Variants in GTF2IRD1 observed in about 807,000 individuals in gnomAD.
GTF2IRD1 encodes the protein GTF2I repeat domain containing 1, also known as general transcription factor II-I repeat domain-containing protein 1.
GTF2IRD1 carries 26 observed loss-of-function variants against 113.2 expected under a neutral mutation model. That is an observed-to-expected ratio of 0.23 (90% CI 0.17 to 0.32). The LOEUF (loss-of-function observed/expected upper bound fraction) is 0.32, where lower values mean the gene tolerates loss of function less well. Among genes scored for constraint, GTF2IRD1 ranks in the 10% least tolerant of loss-of-function variants. The pLI, the probability that GTF2IRD1 is intolerant of heterozygous loss-of-function variation, is 1.00. For synonymous variants in GTF2IRD1, 484 were observed against 529.1 expected (o/e 0.91, Z 1.17); for missense variants, 864 against 1,280.8 (o/e 0.67, Z 4.97).
intron 22 of GTF2IRD1, among the ~76,000 whole-genome samples, chr7:74,586,111 C>T (rs141371567): frequency 6.6e-6 from 1 of 152,262 alleles, no homozygotes; most frequent in African/African-American, 2.4e-5. Context: ...TGATCCAGGC[C>T]ATCCTTTCTC....
intron 22 of GTF2IRD1, among the ~76,000 whole-genome samples, chr7:74,561,666 A>C (rs1476257882): frequency 1.3e-5 from 2 of 151,840 alleles, no homozygotes; most frequent in African/African-American, 4.8e-5. Flanking sequence ...CAGTGCAGTG[A>C]GTGTGGCTCC....
At chr7:74,494,268 T>C (rs1415447608) in intron 1 of GTF2IRD1, among the ~76,000 whole-genome samples, 2 of 151,982 alleles carry the variant, frequency 1.3e-5, no homozygotes, top group Non-Finnish European at 2.9e-5. Flanking sequence ...ATCCCGTTTC[T>C]AAATAAAAAG....
intron 1 of GTF2IRD1, among the ~76,000 whole-genome samples, chr7:74,471,416 G>A (rs1794073800): frequency 6.6e-6 from 1 of 152,032 alleles, no homozygotes; most frequent in African/African-American, 2.4e-5. Flanking sequence ...GGCTGAGCCG[G>A]GAGAATTGCT....
intron 1 of GTF2IRD1, among the ~76,000 whole-genome samples, chr7:74,483,203 A>G (rs564089971): frequency 3.3e-5 from 5 of 152,120 alleles, no homozygotes; most frequent in African/African-American, 1.2e-4. Flanking sequence ...TATACTTCTC[A>G]GTGCTAAGAG....
At chr7:74,489,106 C>T (rs1338548615) in intron 1 of GTF2IRD1, among the ~76,000 whole-genome samples, 2 of 151,690 alleles carry the variant, frequency 1.3e-5, no homozygotes, top group Non-Finnish European at 2.9e-5. Flanking sequence ...CGTGCCACTG[C>T]ACTCCAGCCT....
intron 24 of GTF2IRD1, among the ~76,000 whole-genome samples, chr7:74,593,560 C>G (rs782383396): frequency 4.6e-5 from 7 of 151,264 alleles, no homozygotes; most frequent in Non-Finnish European, 7.4e-5. Context: ...GGTGAAACCC[C>G]GTCTCCACTA....
intron 1 of GTF2IRD1, among the ~76,000 whole-genome samples, chr7:74,483,214 G>A (rs1233207486): frequency 2.6e-5 from 4 of 152,016 alleles, no homozygotes; most frequent in African/African-American, 9.7e-5. Context: ...GTGCTAAGAG[G>A]TTGTTTTCCA....
chr7:74,508,306 C>G, intron 2 of GTF2IRD1, 103 bp downstream of exon 2: 1 of 1,281,782 alleles, frequency 7.8e-7, no homozygotes, highest in Non-Finnish European at 1.1e-6. Context: ...TTTCACTGAC[C>G]TGAACCTCAG....
At chr7:74,540,071 C>T (rs587737086) in intron 14 of GTF2IRD1, 103 bp downstream of exon 14, 29 of 794,288 alleles carry the variant, frequency 3.7e-5, no homozygotes, top group East Asian at 7.5e-5. Flanking sequence ...TGGTGTCAGC[C>T]GTCTGTAGTA....
intron 22 of GTF2IRD1, among the ~76,000 whole-genome samples, chr7:74,567,721 C>A (rs1562876959): frequency 6.6e-6 from 1 of 152,064 alleles, no homozygotes; most frequent in Non-Finnish European, 1.5e-5. Context: ...AAAAGGATCA[C>A]CTTTTAGAGG....
chr7:74,578,120 T>A (rs1554365057), intron 22 of GTF2IRD1, among the ~76,000 whole-genome samples: 2 of 152,168 alleles, frequency 1.3e-5, no homozygotes, highest in African/African-American at 4.8e-5. Flanking sequence ...GTTAATTTTT[T>A]AAAAATTATT....
At position 74,590,951 on chromosome 7, in the gene GTF2IRD1, T is replaced by G. The variant is rs1802020419; in HGVS notation, c.2525T>G (p.Ile842Ser). Residue 842 changes from isoleucine (I) to serine (S), a missense_variant, in exon 24 of 27, where the codon ATC becomes AGC. By Grantham distance (142) the Ile-to-Ser change is moderately radical (BLOSUM62 -2). This residue lies in a region of GTF2IRD1 where 195 missense variants were observed against 359.1 expected (regional missense o/e 0.54). Transcript: ENST00000424337. ...IPFRNPNTYDIHRLEKILKAR... is the reference protein window; with the variant it reads ...IPFRNPNTYDSHRLEKILKAR... ...TTCCGGAACCCCAACACGTACGACA[T>G]CCACCGGCTGGAGAAGATCCTGAAG... 1 of 1,613,230 alleles carries G rather than the reference T, an allele frequency of 6.2e-7. No individual in the cohort carries two copies. Among genetic ancestry groups the G allele is most frequent in the Non-Finnish European group, 8.5e-7 (1 of 1,179,796 alleles).
intron 12 of GTF2IRD1, among the ~76,000 whole-genome samples, chr7:74,538,431 G>T (rs1798429601): frequency 6.6e-6 from 1 of 152,214 alleles, no homozygotes; most frequent in South Asian, 2.1e-4. Context: ...CAGGCTGCAG[G>T]TTCTTGGACC....
intron 22 of GTF2IRD1, among the ~76,000 whole-genome samples, chr7:74,585,981 GAC>G (rs1159909513): frequency 6.6e-6 from 1 of 152,150 alleles, no homozygotes; most frequent in Admixed American, 6.6e-5. Flanking sequence ...CTTTGGGGTT[GAC>G]ACAGAGTACT....
chr7:74,516,104 C>G (rs587692592), intron 4 of GTF2IRD1, among the ~76,000 whole-genome samples: 1 of 152,378 alleles, frequency 6.6e-6, no homozygotes, highest in South Asian at 2.1e-4. Flanking sequence ...TTCCAGTTCT[C>G]CAGCACTCGC....
chr7:74,566,055 AAT>A (rs1216931055), intron 22 of GTF2IRD1, among the ~76,000 whole-genome samples: 1 of 150,598 alleles, frequency 6.6e-6, no homozygotes, highest in Non-Finnish European at 1.5e-5. Context: ...GAGAAATGCA[AAT>A]ATATGCCCAT....
intron 1 of GTF2IRD1, chr7:74,507,223 C>T (rs957434677): frequency 6.6e-6 from 1 of 152,122 alleles, no homozygotes; most frequent in East Asian, 1.9e-4. Context: ...CCTGTATTTC[C>T]AACACTTTGG....
At chr7:74,544,662 C>A in intron 14 of GTF2IRD1, 93 bp from the exon 15 acceptor site, 2 of 1,301,276 alleles carry the variant, frequency 1.5e-6, no homozygotes, top group Non-Finnish European at 2.2e-6. Flanking sequence ...GGCCCCCTGG[C>A]CTGCCATTCC....
chr7:74,538,234 C>G (rs1477255857), intron 12 of GTF2IRD1, 61 bp downstream of exon 12: 4 of 1,545,038 alleles, frequency 2.6e-6, no homozygotes, highest in Non-Finnish European at 3.6e-6. Flanking sequence ...ACCAGCCCTA[C>G]CCGGCAGCCT....
Sources: allele counts gnomAD v4.1 joint callset (sites outside exome capture counted in the v4.1 genomes callset), GRCh38; gene constraint gnomAD v4.1.1; regional missense constraint gnomAD v4.1.1; transcripts MANE v1.5; gene names NCBI Gene and HGNC (gene_info 2026-07-23, HGNC 2026-07-21).